Variants in GPHN observed in about 807,000 individuals in gnomAD.
The protein encoded by GPHN is gephyrin.
Under a neutral mutation model 95.5 loss-of-function variants are expected in GPHN, and 17 were observed. The ratio of observed to expected loss-of-function variants is 0.18; its 90% confidence interval spans 0.12 to 0.27. The LOEUF (loss-of-function observed/expected upper bound fraction) is 0.27, where lower values mean the gene tolerates loss of function less well. GPHN is among the 10% of genes least tolerant of loss of function. GPHN has a pLI of 1.00. For synonymous variants in GPHN, 320 were observed against 322.5 expected, an observed-to-expected ratio of 0.99 and a Z score of 0.08; for missense variants, 660 against 978.1, an observed-to-expected ratio of 0.67 and a Z score of 4.34.
At chr14:67,550,685 C>A in the GPHN span, among the ~76,000 whole-genome samples, 5 of 152,126 alleles carry the variant, frequency 3.3e-5, no homozygotes, top group African/African-American at 1.2e-4. Context: ...GTGGCCAGAT[C>A]TTTTGATTTT....
At chr14:67,321,921 T>C in the GPHN span, among the ~76,000 whole-genome samples, 6 of 152,160 alleles carry the variant, frequency 3.9e-5, no homozygotes, top group South Asian at 2.1e-4. Flanking sequence ...ATGAGAAAAA[T>C]TAGAAAATTT....
At chr14:67,305,300 A>G in the GPHN span, among the ~76,000 whole-genome samples, 1 of 149,094 alleles carries the variant, frequency 6.7e-6, no homozygotes. Context: ...TTTTTTTTTG[A>G]GGTGGGATCT....
chr14:67,569,334 C>G, the GPHN span: 1 of 653,966 alleles, frequency 1.5e-6, no homozygotes, highest in Non-Finnish European at 2.7e-6. Flanking sequence ...TACCCTGTTC[C>G]CCTCCCCAGC....
At chr14:66,810,102 A>G (rs911322383) in intron 3 of GPHN, among the ~76,000 whole-genome samples, 5 of 151,988 alleles carry the variant, frequency 3.3e-5, no homozygotes, top group African/African-American at 1.2e-4. Context: ...TTTACACAGA[A>G]GTCTTGGCTA....
the GPHN span, among the ~76,000 whole-genome samples, chr14:67,528,373 T>C: frequency 2.6e-5 from 4 of 152,278 alleles, no homozygotes; most frequent in South Asian, 8.3e-4. Flanking sequence ...TTTCCTTGGC[T>C]TCTTGGAGCC....
chr14:66,975,731 T>A lies in GPHN; in HGVS notation c.963+10406T>A, dbSNP rs928073098. Among the ~76,000 whole-genome samples the A allele has an allele frequency of 1.6e-3, 239 of 151,106 alleles. 1 individual carries two copies. Among genetic ancestry groups the A allele is most frequent in the African/African-American group, 5.7e-3 (232 of 41,018 alleles). On this transcript the variant is annotated intron_variant, in intron 9 of 22. Transcript: ENST00000478722. ...CCTGTCTCTACAAAAAAAAAAAAAA[T>A]TTAATTAGCTGGGCATGGTGGTAAG...
the GPHN span, chr14:67,200,117 C>A: frequency 1.2e-5 from 13 of 1,057,762 alleles, no homozygotes; most frequent in Middle Eastern, 2.6e-4. Flanking sequence ...GGCATGCCCC[C>A]CCGAAGGCCT....
At chr14:67,115,420 G>A (rs1250536607) in intron 16 of GPHN, among the ~76,000 whole-genome samples, 2 of 152,104 alleles carry the variant, frequency 1.3e-5, no homozygotes, top group African/African-American at 2.4e-5. Context: ...TTAAGTATTG[G>A]TTTTAGTTTC....
chr14:66,580,879 G>A lies in GPHN; in HGVS notation c.64+72288G>A, dbSNP rs78024876. ...GACACTACAAGAAAAAAAAATGCAGGCCAATATTGTTGATGAAGATAGATG... is the reference window on the plus strand; with the variant it reads ...GACACTACAAGAAAAAAAAATGCAGACCAATATTGTTGATGAAGATAGATG... On this transcript the variant is annotated intron_variant, in intron 1 of 22. Coordinates refer to ENST00000478722, the MANE Select transcript of GPHN (RefSeq NM_020806.5). Among the ~76,000 whole-genome samples, 265 of 151,750 alleles carry A rather than the reference G, an allele frequency of 1.7e-3. 1 individual carries two copies. The highest frequency in any genetic ancestry group is 6.1e-3 in the African/African-American group (253 of 41,496).
At chr14:66,568,551 C>T (rs2060551276) in intron 1 of GPHN, among the ~76,000 whole-genome samples, 1 of 151,962 alleles carries the variant, frequency 6.6e-6, no homozygotes, top group Admixed American at 6.6e-5. Context: ...TATTCAGTCT[C>T]AGAAGAAATT....
At chr14:66,660,860 C>T (rs1359451231) in intron 1 of GPHN, among the ~76,000 whole-genome samples, 1 of 152,106 alleles carries the variant, frequency 6.6e-6, no homozygotes, top group Non-Finnish European at 1.5e-5. Flanking sequence ...CCTACCCCTG[C>T]CCAGGGAAGC....
chr14:67,392,496 G>T, the GPHN span: 2 of 1,329,414 alleles, frequency 1.5e-6, no homozygotes, highest in Non-Finnish European at 2.2e-6. Flanking sequence ...GCGGCTGTCA[G>T]AGGGGAAAGG....
rs1372556774 is a variant in GPHN, at chr14:66,712,462, C to T, written c.143+31277C>T. Among the ~76,000 whole-genome samples the T allele has an allele frequency of 4.6e-5, 7 of 152,170 alleles. No homozygotes were observed. In the East Asian group the frequency reaches 1.2e-3, roughly 25 times the overall value. Reference sequence around the variant, plus strand: ...TTTTTTCTGTAAATTTGTTTAAGTTCTTTGTAGATTCTGGATGTTAGCCCT... The same window carrying T: ...TTTTTTCTGTAAATTTGTTTAAGTTTTTTGTAGATTCTGGATGTTAGCCCT... On this transcript the variant is annotated intron_variant, in intron 2 of 22. Transcript: ENST00000478722.
intron 2 of GPHN, among the ~76,000 whole-genome samples, chr14:66,710,062 C>T (rs1385651017): frequency 6.6e-6 from 1 of 151,990 alleles, no homozygotes; most frequent in African/African-American, 2.4e-5. Context: ...TGTAGTTGTA[C>T]TTATAAAGAT....
At chr14:67,501,888 A>G in the GPHN span, among the ~76,000 whole-genome samples, 2 of 152,224 alleles carry the variant, frequency 1.3e-5, no homozygotes, top group African/African-American at 4.8e-5. Context: ...ACGAATATTC[A>G]TACTGTGCAA....
At chr14:66,876,123 A>G (rs997859032) in intron 4 of GPHN, among the ~76,000 whole-genome samples, 6 of 152,212 alleles carry the variant, frequency 3.9e-5, no homozygotes, top group African/African-American at 1.4e-4. Context: ...TTATATGGAA[A>G]CTGAAAAACC....
intron 5 of GPHN, among the ~76,000 whole-genome samples, chr14:66,908,368 T>C (rs1276651914): frequency 6.6e-6 from 1 of 151,920 alleles, no homozygotes; most frequent in African/African-American, 2.4e-5. Context: ...GATGTAAAAA[T>C]GTGAGCAACA....
chr14:67,274,840 C>G, the GPHN span, among the ~76,000 whole-genome samples: 1 of 152,132 alleles, frequency 6.6e-6, no homozygotes, highest in African/African-American at 2.4e-5. Flanking sequence ...TCCTTCACAT[C>G]CCTTGTAAGT....
chr14:67,306,050 A>T, the GPHN span, among the ~76,000 whole-genome samples: 1 of 152,052 alleles, frequency 6.6e-6, no homozygotes, highest in African/African-American at 2.4e-5. Flanking sequence ...GCTCACTGCA[A>T]CCTCCGCCTC....
Sources: allele counts gnomAD v4.1 joint callset (sites outside exome capture counted in the v4.1 genomes callset), GRCh38; gene constraint gnomAD v4.1.1; transcripts MANE v1.5; gene names NCBI Gene and HGNC (gene_info 2026-07-23, HGNC 2026-07-21).